FHIT: variants seen among roughly 807,000 people sequenced by gnomAD.
FHIT encodes the protein fragile histidine triad diadenosine triphosphatase.
Under a neutral mutation model 17.9 loss-of-function variants are expected in FHIT, and 19 were observed. The observed-to-expected ratio is 1.06, with a 90% CI of 0.74 to 1.56. The LOEUF (loss-of-function observed/expected upper bound fraction) is 1.56. FHIT is among the 40% of genes most tolerant of loss of function. The pLI is 0.00. For synonymous variants in FHIT, 81 were observed against 69.7 expected, an observed-to-expected ratio of 1.16 and a Z score of -0.81; for missense variants, 248 against 189.2, an observed-to-expected ratio of 1.31 and a Z score of -1.82.
intron 5 of FHIT, among the ~76,000 whole-genome samples, chr3:60,114,049 AT>A (rs1704826571): frequency 7.2e-5 from 3 of 41,866 alleles, no homozygotes; most frequent in African/African-American, 1.3e-4. Flanking sequence ...ATATATATAT[AT>A]ATATATATAT....
chr3:60,929,295 C>G (rs1374626540), intron 3 of FHIT, among the ~76,000 whole-genome samples: 3 of 152,160 alleles, frequency 2.0e-5, no homozygotes, highest in African/African-American at 7.2e-5. Flanking sequence ...CCTTTGAAAA[C>G]TGGCACAAGA....
At chr3:60,895,483 C>T (rs372821251) in intron 3 of FHIT, among the ~76,000 whole-genome samples, 3 of 152,108 alleles carry the variant, frequency 2.0e-5, no homozygotes, top group African/African-American at 7.2e-5. Context: ...AATCAACAAG[C>T]TTTCACTCAA....
intron 5 of FHIT, among the ~76,000 whole-genome samples, chr3:60,528,841 A>C (rs2035668203): frequency 6.6e-6 from 1 of 152,132 alleles, no homozygotes. Flanking sequence ...CCTCCCCACA[A>C]TGCACAAATT....
intron 5 of FHIT, among the ~76,000 whole-genome samples, chr3:60,465,524 T>C (rs537974448): frequency 1.3e-5 from 2 of 152,254 alleles, no homozygotes; most frequent in South Asian, 4.1e-4. Flanking sequence ...TAGTTTGAGG[T>C]CTTATATTTA....
chr3:59,844,581 T>C (rs1701650132), intron 8 of FHIT, among the ~76,000 whole-genome samples: 1 of 152,122 alleles, frequency 6.6e-6, no homozygotes, highest in Admixed American at 6.5e-5. Context: ...GAGATGATAA[T>C]GTGTTTCTTC....
chr3:61,077,981 C>T (rs980345048), intron 2 of FHIT, among the ~76,000 whole-genome samples: 1 of 152,110 alleles, frequency 6.6e-6, no homozygotes, highest in Non-Finnish European at 1.5e-5. Flanking sequence ...ACGGAAAACA[C>T]CTCTTTATAA....
At chr3:60,332,019 G>A (rs1710002269) in intron 5 of FHIT, among the ~76,000 whole-genome samples, 4 of 152,026 alleles carry the variant, frequency 2.6e-5, no homozygotes, top group Non-Finnish European at 5.9e-5. Context: ...AATGAGGGGT[G>A]TATCCAACAA....
intron 2 of FHIT, among the ~76,000 whole-genome samples, chr3:61,101,409 G>T (rs972941790): frequency 6.6e-6 from 1 of 152,010 alleles, no homozygotes; most frequent in Admixed American, 6.6e-5. Context: ...GTTCTATTCC[G>T]TTGGTCTATC....
chr3:60,549,835 A>T (rs1471804472), intron 4 of FHIT, among the ~76,000 whole-genome samples: 1 of 152,198 alleles, frequency 6.6e-6, no homozygotes, highest in Non-Finnish European at 1.5e-5. Flanking sequence ...TTAACTAGAA[A>T]AATAAAGTTG....
intron 8 of FHIT, among the ~76,000 whole-genome samples, chr3:59,767,679 G>A (rs928832277): frequency 4.6e-5 from 7 of 152,140 alleles, no homozygotes; most frequent in Non-Finnish European, 8.8e-5. Context: ...CTTGCTGTCT[G>A]CCTGGCAATG....
intron 4 of FHIT, among the ~76,000 whole-genome samples, chr3:60,718,553 G>A (rs2041738888): frequency 6.6e-6 from 1 of 152,136 alleles, no homozygotes; most frequent in Admixed American, 6.5e-5. Context: ...TAAAAACTAG[G>A]TTATAATGTT....
At chr3:60,534,971 C>G (rs190008116) in intron 5 of FHIT, among the ~76,000 whole-genome samples, 212 of 152,284 alleles carry the variant, frequency 1.4e-3, no homozygotes, top group African/African-American at 4.9e-3. Flanking sequence ...AAATTACTCT[C>G]AAGATATGAG....
At chr3:60,537,544 A>C in intron 4 of FHIT, 1 of 821,192 alleles carries the variant, frequency 1.2e-6, no homozygotes, top group Non-Finnish European at 1.5e-6. Context: ...AAACATTTAA[A>C]AAGAAGGAAG....
chr3:60,950,421 A>G (rs1161392310), intron 3 of FHIT, among the ~76,000 whole-genome samples: 13 of 152,100 alleles, frequency 8.5e-5, no homozygotes, highest in Admixed American at 7.9e-4. Context: ...CATTCCTTGC[A>G]CTTGGGAATT....
chr3:60,480,320 T>G (rs1192601059), intron 5 of FHIT, among the ~76,000 whole-genome samples: 1 of 152,138 alleles, frequency 6.6e-6, no homozygotes, highest in African/African-American at 2.4e-5. Flanking sequence ...AAGAGGAGAT[T>G]TGAATGGCAA....
chr3:60,564,553 T>A (rs1206042643), intron 4 of FHIT, among the ~76,000 whole-genome samples: 1 of 152,148 alleles, frequency 6.6e-6, no homozygotes, highest in Non-Finnish European at 1.5e-5. Context: ...AGAACATTCA[T>A]AATGCATGGG....
chr3:60,872,985 C>A (rs1186657787), intron 3 of FHIT, among the ~76,000 whole-genome samples: 1 of 152,082 alleles, frequency 6.6e-6, no homozygotes, highest in Non-Finnish European at 1.5e-5. Flanking sequence ...ACCGGACACT[C>A]CTGCAACATG....
chr3:60,310,530 G>T (rs1287321850), intron 5 of FHIT, among the ~76,000 whole-genome samples: 1 of 151,956 alleles, frequency 6.6e-6, no homozygotes, highest in Non-Finnish European at 1.5e-5. Context: ...AGACCAAAAA[G>T]GCACAGGTGC....
chr3:61,020,050 C>T (rs557840180), intron 3 of FHIT, among the ~76,000 whole-genome samples: 3 of 152,210 alleles, frequency 2.0e-5, no homozygotes, highest in Admixed American at 1.3e-4. Context: ...TTGGGTATAA[C>T]CTAGTAATGG....
Sources: allele counts gnomAD v4.1 joint callset (sites outside exome capture counted in the v4.1 genomes callset), GRCh38; gene constraint gnomAD v4.1.1; transcripts MANE v1.5; gene names NCBI Gene and HGNC (gene_info 2026-07-23, HGNC 2026-07-21).